Variants in AJAP1 observed in about 807,000 individuals in gnomAD.
The protein encoded by AJAP1 is adherens junction-associated protein 1.
Under a neutral mutation model 35.0 loss-of-function variants are expected in AJAP1, and 5 were observed. That is an observed-to-expected ratio of 0.14 (90% CI 0.07 to 0.30). AJAP1 has a LOEUF of 0.30. Ranked by LOEUF, AJAP1 falls within the 10% of genes least tolerant of loss-of-function variation. AJAP1 has a pLI of 1.00. For synonymous variants in AJAP1, 284 were observed against 249.3 expected (o/e 1.14, Z -1.31); for missense variants, 586 against 571.0 (o/e 1.03, Z -0.27).
intron 5 of AJAP1, among the ~76,000 whole-genome samples, chr1:4,779,763 G>T (rs890983044): frequency 6.6e-6 from 1 of 151,980 alleles, no homozygotes; most frequent in Non-Finnish European, 1.5e-5. Context: ...CCAGTGTAGG[G>T]TCTCGAAGCC....
At position 4,655,553 on chromosome 1, in the gene AJAP1, T is replaced by C; in HGVS notation, c.29+99T>C. The C allele has an allele frequency of 1.4e-6, 2 of 1,430,714 alleles. No individual in the cohort carries two copies. Among genetic ancestry groups the C allele is most frequent in the Non-Finnish European group, 1.9e-6 (2 of 1,058,848 alleles). 88.6% of individuals were successfully genotyped at this position (1,430,714 alleles called of 1,614,324 possible). On this transcript the variant is annotated intron_variant, in intron 1 of 5. Transcript: ENST00000378191. The surrounding 1 kb of genome is among the most constrained non-coding windows in gnomAD (Gnocchi z 6.9). ...TATGTTGCAAATCAAGGGACCCCTC[T>C]TCGCTTCCCGCAAGCGGGCAACGGG...
intron 3 of AJAP1, among the ~76,000 whole-genome samples, chr1:4,771,915 ACC>A (rs1012232235): frequency 5.3e-5 from 8 of 151,790 alleles, no homozygotes; most frequent in African/African-American, 1.9e-4. Context: ...GGCAGGAAGG[ACC>A]CACCACAGCT....
At chr1:4,773,597 G>A (rs913178715) in intron 4 of AJAP1, among the ~76,000 whole-genome samples, 1 of 152,186 alleles carries the variant, frequency 6.6e-6, no homozygotes, top group Non-Finnish European at 1.5e-5. Context: ...CAGAACTGTT[G>A]TTCTAAACCT....
At chr1:4,657,288 A>G (rs1638902942) in intron 1 of AJAP1, among the ~76,000 whole-genome samples, 1 of 152,128 alleles carries the variant, frequency 6.6e-6, no homozygotes, top group South Asian at 2.1e-4. Flanking sequence ...GTTCTTTTGA[A>G]GTTTGACCTT....
intron 1 of AJAP1, among the ~76,000 whole-genome samples, chr1:4,707,594 C>T (rs567301707): frequency 6.6e-6 from 1 of 152,176 alleles, no homozygotes; most frequent in Non-Finnish European, 1.5e-5. Flanking sequence ...AGTAATCCTG[C>T]CTTCCTTTTA....
intron 1 of AJAP1, among the ~76,000 whole-genome samples, chr1:4,660,936 G>A (rs778177267): frequency 1.3e-5 from 2 of 152,156 alleles, no homozygotes; most frequent in Non-Finnish European, 2.9e-5. Flanking sequence ...GCAGGTTTTC[G>A]GGGTCAGCCC....
At chr1:4,714,773 T>A (rs549225334) in intron 2 of AJAP1, among the ~76,000 whole-genome samples, 1 of 152,264 alleles carries the variant, frequency 6.6e-6, no homozygotes, top group South Asian at 2.1e-4. Context: ...GAACAGGTGG[T>A]TTACAGCAGC....
rs1642198310 is a variant in AJAP1, at chr1:4,788,172, A to G, written c.*5687A>G. Reference sequence around the variant, plus strand: ...GAGCCAGGATCTCTGTGTTAGTTACACTCAGCCTTATCTGAGCATTCCAGG... The same window carrying G: ...GAGCCAGGATCTCTGTGTTAGTTACGCTCAGCCTTATCTGAGCATTCCAGG... On this transcript the variant is annotated 3_prime_UTR_variant, in exon 6 of 6. Transcript: ENST00000378191. The G allele has an allele frequency of 1.6e-5, 3 of 186,630 alleles. No individual in the cohort carries two copies. The South Asian group carries it at 2.8e-4, about 17-fold the overall frequency. 11.6% of individuals were successfully genotyped at this position (186,630 alleles called of 1,614,324 possible).
intron 2 of AJAP1, among the ~76,000 whole-genome samples, chr1:4,739,383 C>T (rs957043001): frequency 7.2e-5 from 11 of 152,324 alleles, no homozygotes; most frequent in Admixed American, 3.3e-4. Context: ...AATGGTCATG[C>T]GACAGGCCTG....
At chr1:4,731,092 C>T (rs908657870) in intron 2 of AJAP1, among the ~76,000 whole-genome samples, 2 of 151,898 alleles carry the variant, frequency 1.3e-5, no homozygotes, top group African/African-American at 4.8e-5. Flanking sequence ...GTGTTTTGTT[C>T]TGTTTTGAGA....
chr1:4,763,111 G>C (rs1195133743), intron 2 of AJAP1, among the ~76,000 whole-genome samples: 12 of 152,234 alleles, frequency 7.9e-5, no homozygotes, highest in African/African-American at 2.9e-4. Flanking sequence ...TATCTGTCCT[G>C]TGGGCTTGTC....
intron 1 of AJAP1, among the ~76,000 whole-genome samples, chr1:4,669,218 G>A (rs558246623): frequency 1.3e-4 from 20 of 152,158 alleles, no homozygotes; most frequent in African/African-American, 2.2e-4. Flanking sequence ...GTCATTCCCC[G>A]TCCCCCTGGA....
chr1:4,772,460 C>G lies in AJAP1; in HGVS notation c.1098C>G (p.Pro366=), dbSNP rs151154079. The G allele has an allele frequency of 1.9e-6, 3 of 1,614,220 alleles. No homozygotes were observed. Among genetic ancestry groups the G allele is most frequent in the South Asian group, 2.2e-5 (2 of 91,080 alleles). The change falls in exon 4 of 6, where the codon CCC becomes CCG. Residue 366 remains proline (P), a synonymous_variant. Transcript: ENST00000378191. ...ACGAGTGCGTCAGGGCATCTGTGCC[C>G]GTGTACACCGATGAGACGCTGCACT... ...CSHECVRASV[P]VYTDETLHST...
At chr1:4,776,875 A>G (rs991648004) in intron 5 of AJAP1, among the ~76,000 whole-genome samples, 1 of 152,212 alleles carries the variant, frequency 6.6e-6, no homozygotes, top group Non-Finnish European at 1.5e-5. Context: ...GGTCGTCCGC[A>G]GAGTTCAGAA....
chr1:4,752,625 C>G (rs941494073), intron 2 of AJAP1, among the ~76,000 whole-genome samples: 5 of 152,164 alleles, frequency 3.3e-5, no homozygotes, highest in African/African-American at 1.2e-4. Flanking sequence ...GTCTGGCCTC[C>G]TTCCTTCCCT....
At chr1:4,681,927 C>G (rs1290857189) in intron 1 of AJAP1, among the ~76,000 whole-genome samples, 2 of 152,206 alleles carry the variant, frequency 1.3e-5, no homozygotes, top group Admixed American at 6.5e-5. Context: ...GTTCCAGGTG[C>G]TGCTCTGAGT....
chr1:4,764,229 C>T (rs749009330), intron 2 of AJAP1, among the ~76,000 whole-genome samples: 1 of 152,162 alleles, frequency 6.6e-6, no homozygotes, highest in Non-Finnish European at 1.5e-5. Context: ...ATACATTCAC[C>T]CCTTGGAAGA....
chr1:4,783,254 T>G lies in AJAP1; in HGVS notation c.*769T>G. The G allele has an allele frequency of 6.5e-6, 1 of 154,246 alleles. No individual in the cohort carries two copies. Among genetic ancestry groups the G allele is most frequent in the African/African-American group, 2.4e-5 (1 of 41,522 alleles). The allele number at this position is 154,246 out of a possible 1,614,324, so 9.6% of individuals were successfully genotyped here. ...CACACACAATACACATACATGCATA[T>G]AGACGCATCTATTGGAAATGCAGTT... On this transcript the variant is annotated 3_prime_UTR_variant, in exon 6 of 6. Transcript: ENST00000378191.
intron 2 of AJAP1, 115 bp from the exon 3 acceptor site, chr1:4,769,738 A>C (rs115690328): frequency 3.5e-6 from 3 of 866,746 alleles, no homozygotes; most frequent in Non-Finnish European, 5.9e-6. Flanking sequence ...CCCGCTGCGG[A>C]TGGGACCTGG....
Sources: allele counts gnomAD v4.1 joint callset (sites outside exome capture counted in the v4.1 genomes callset), GRCh38; gene constraint gnomAD v4.1.1; non-coding constraint Gnocchi (gnomAD v3.1); transcripts MANE v1.5; gene names NCBI Gene and HGNC (gene_info 2026-07-23, HGNC 2026-07-21).